The following FARP2 variants were observed in gnomAD, a reference collection of about 807,000 sequenced individuals.
FARP2 encodes FERM, ARHGEF and pleckstrin domain-containing protein 2.
Under a neutral mutation model 130.5 loss-of-function variants are expected in FARP2, and 111 were observed. That is an observed-to-expected ratio of 0.85 (90% CI 0.73 to 1.00). FARP2 has a LOEUF of 1.00. Among genes scored for constraint, FARP2 ranks in the 50% least tolerant of loss-of-function variants. The pLI is 0.00. For missense variants in FARP2, 1,385 were observed against 1,346.3 expected, an observed-to-expected ratio of 1.03 and a Z score of -0.45; for synonymous variants, 504 against 516.9, an observed-to-expected ratio of 0.98 and a Z score of 0.34.
chr2:241,422,069 G>A (rs775623476), intron 8 of FARP2, among the ~76,000 whole-genome samples: 8 of 151,814 alleles, frequency 5.3e-5, no homozygotes, highest in Admixed American at 6.6e-5. Context: ...ACTTGAACAC[G>A]GGGAGGCAGA....
intron 9 of FARP2, among the ~76,000 whole-genome samples, chr2:241,432,055 G>A (rs2063106342): frequency 6.6e-6 from 1 of 152,092 alleles, no homozygotes; most frequent in Non-Finnish European, 1.5e-5. Flanking sequence ...CCTGACCTTA[G>A]GTGATCCACC....
chr2:241,418,633 G>A (rs1229396404), intron 8 of FARP2, among the ~76,000 whole-genome samples: 1 of 152,194 alleles, frequency 6.6e-6, no homozygotes, highest in African/African-American at 2.4e-5. Flanking sequence ...GTTGTCTTCT[G>A]AAGTGTTTGT....
intron 2 of FARP2, 110 bp from the exon 3 acceptor site, chr2:241,403,718 G>GA (rs2150349286): frequency 3.4e-6 from 2 of 589,956 alleles, no homozygotes; most frequent in East Asian, 5.7e-5. Flanking sequence ...TTATACACTG[G>GA]AAGACAAAGT....
intron 13 of FARP2, among the ~76,000 whole-genome samples, chr2:241,453,778 T>G (rs1400062131): frequency 1.5e-4 from 17 of 111,606 alleles, no homozygotes; most frequent in African/African-American, 4.5e-4. Context: ...GGTTTTTTTT[T>G]TTTTTTTTTT....
chr2:241,394,890 A>G (rs537116524), intron 2 of FARP2, among the ~76,000 whole-genome samples: 12 of 152,082 alleles, frequency 7.9e-5, no homozygotes, highest in African/African-American at 2.7e-4. Flanking sequence ...AATGAACCCT[A>G]CTCCCTACTC....
chr2:241,410,483 G>T (rs935873802), intron 5 of FARP2, among the ~76,000 whole-genome samples: 1 of 150,520 alleles, frequency 6.6e-6, no homozygotes, highest in African/African-American at 2.5e-5. Flanking sequence ...CTAACATGGA[G>T]TGCAGTGGCA....
At chr2:241,486,946 G>C (rs964366517) in intron 21 of FARP2, among the ~76,000 whole-genome samples, 4 of 152,106 alleles carry the variant, frequency 2.6e-5, no homozygotes, top group African/African-American at 9.7e-5. Context: ...CAGCCCCATC[G>C]AGCAGCCCCA....
intron 19 of FARP2, chr2:241,478,615 C>A: frequency 2.0e-6 from 1 of 510,430 alleles, no homozygotes; most frequent in Non-Finnish European, 4.0e-6. Context: ...TGAGACGTGG[C>A]AAGCTGGTGA....
chr2:241,405,705 G>A (rs777794857), intron 4 of FARP2, among the ~76,000 whole-genome samples: 1 of 152,180 alleles, frequency 6.6e-6, no homozygotes, highest in Non-Finnish European at 1.5e-5. Flanking sequence ...AGGCCCAAGC[G>A]GGCAGATCAC....
chr2:241,397,119 A>G (rs1018318509), intron 2 of FARP2, among the ~76,000 whole-genome samples: 2 of 152,106 alleles, frequency 1.3e-5, no homozygotes, highest in East Asian at 1.9e-4. Context: ...TCACTCATAG[A>G]TGGGAATTGA....
chr2:241,410,156 G>A (rs1469072216), intron 5 of FARP2, among the ~76,000 whole-genome samples: 1 of 152,164 alleles, frequency 6.6e-6, no homozygotes, highest in African/African-American at 2.4e-5. Context: ...ATTTTCAATT[G>A]CCTTCTCTCA....
At chr2:241,372,942 C>G in intron 1 of FARP2, 142 bp from the exon 2 acceptor site, 1 of 411,330 alleles carries the variant, frequency 2.4e-6, no homozygotes, top group Non-Finnish European at 4.3e-6. Flanking sequence ...GTAACACTTT[C>G]TTTTGACGTG....
At chr2:241,493,888 C>T (rs748543254) in intron 26 of FARP2, 120 bp from the exon 27 acceptor site, 6 of 609,708 alleles carry the variant, frequency 9.8e-6, no homozygotes, top group Non-Finnish European at 1.6e-5. Flanking sequence ...TGAGCCACCG[C>T]ACCCGGCCCC....
At chr2:241,388,381 A>G (rs917894359) in intron 2 of FARP2, among the ~76,000 whole-genome samples, 1 of 152,232 alleles carries the variant, frequency 6.6e-6, no homozygotes, top group Non-Finnish European at 1.5e-5. Flanking sequence ...TCCACATGCA[A>G]AGAATGAATT....
intron 18 of FARP2, among the ~76,000 whole-genome samples, chr2:241,474,170 G>A (rs367553227): frequency 5.9e-5 from 9 of 151,976 alleles, no homozygotes; most frequent in African/African-American, 1.7e-4. Context: ...GCCGGGCGTG[G>A]TGGCGGGTGC....
At chr2:241,439,434 A>G (rs986332454) in intron 12 of FARP2, among the ~76,000 whole-genome samples, 1 of 151,814 alleles carries the variant, frequency 6.6e-6, no homozygotes, top group African/African-American at 2.4e-5. Flanking sequence ...GGTTCAAGTG[A>G]TTCTCCTGCC....
In FARP2 at chr2:241,463,909, T is replaced by C; in HGVS notation, c.1822T>C (p.Ser608Pro). The change falls in exon 17 of 27, where the codon TCC becomes CCC. Residue 608 changes from serine (S) to proline (P), a missense_variant. Transcript: ENST00000264042. Reference protein sequence around the residue: ...EQRLALWEGPSKAHTKGSHQR... With the variant: ...EQRLALWEGPPKAHTKGSHQR... ...TTTCTTTTTACTCAGGGAAGGGCCC[T>C]CCAAAGCCCACACAAAAGGCAGTCA... 6.2e-7 allele frequency: 1 copy of C among 1,613,794 alleles called. No homozygotes were observed. Among genetic ancestry groups the C allele is most frequent in the African/African-American group, 1.3e-5 (1 of 75,008 alleles).
chr2:241,453,732 T>C (rs1173043657), intron 13 of FARP2, among the ~76,000 whole-genome samples: 1 of 151,002 alleles, frequency 6.6e-6, no homozygotes, highest in Non-Finnish European at 1.5e-5. Flanking sequence ...GTGTCCTTCC[T>C]TTATGAGGGG....
In FARP2 at chr2:241,475,821, G is replaced by T; in HGVS notation, c.2132-36G>T. Reference sequence around the variant, plus strand: ...GGTGGAGGGTGCTGTGCACACCACTGCCTGTACACCTGTACTGAGGGGTCT... The same window carrying T: ...GGTGGAGGGTGCTGTGCACACCACTTCCTGTACACCTGTACTGAGGGGTCT... On this transcript the variant is annotated intron_variant, in intron 18 of 26. Transcript: ENST00000264042. The surrounding 1 kb of genome is among the most constrained non-coding windows in gnomAD (Gnocchi z 4.4). 1.3e-6 allele frequency: 2 copies of T among 1,571,702 alleles called. No homozygotes were observed. Among genetic ancestry groups the T allele is most frequent in the Non-Finnish European group, 1.7e-6 (2 of 1,158,696 alleles).
Sources: gnomAD v4.1 joint callset for allele counts (sites outside exome capture counted in the v4.1 genomes callset) on GRCh38, gnomAD v4.1.1 for gene constraint, Gnocchi (gnomAD v3.1) non-coding constraint, MANE v1.5 for transcripts, NCBI Gene and HGNC (gene_info 2026-07-23, HGNC 2026-07-21) for gene names.